Variants in ESR1 observed in about 807,000 individuals in gnomAD.
ESR1 encodes the protein estrogen receptor 1.
In ESR1, 12 loss-of-function variants were observed where a neutral mutation model predicts 52.7. That is an observed-to-expected ratio of 0.23 (90% CI 0.15 to 0.37). ESR1 has a LOEUF of 0.37. ESR1 is among the 10% of genes least tolerant of loss of function. The pLI, the probability that ESR1 is intolerant of heterozygous loss-of-function variation, is 1.00. For missense variants in ESR1, 584 were observed against 779.7 expected (o/e 0.75, Z 2.99); for synonymous variants, 305 against 316.8 (o/e 0.96, Z 0.39).
At chr6:151,716,176 G>T (rs1197799871) in intron 2 of ESR1, among the ~76,000 whole-genome samples, 3 of 152,166 alleles carry the variant, frequency 2.0e-5, no homozygotes, top group Admixed American at 6.5e-5. Flanking sequence ...AAACAGCAAA[G>T]ATTGCTGCCT....
At chr6:151,771,838 TA>T (rs969391612) in intron 2 of ESR1, among the ~76,000 whole-genome samples, 4 of 152,042 alleles carry the variant, frequency 2.6e-5, no homozygotes, top group Admixed American at 6.6e-5. Context: ...ATTTTGTAAT[TA>T]AAAAAAACAA....
chr6:152,068,686 T>C (rs1178472526), intron 6 of ESR1, among the ~76,000 whole-genome samples: 2 of 152,268 alleles, frequency 1.3e-5, no homozygotes, highest in Admixed American at 6.5e-5. Context: ...TTTAAAGACC[T>C]ATGAGAATCC....
upstream of ESR1, chr6:151,805,789 C>T (rs553036925): frequency 1.2e-4 from 19 of 152,462 alleles, no homozygotes; most frequent in African/African-American, 4.3e-4. Flanking sequence ...GCCCATGGAA[C>T]ATTTCTGGAA....
chr6:151,761,110 C>T (rs1784628249), intron 2 of ESR1, among the ~76,000 whole-genome samples: 1 of 151,588 alleles, frequency 6.6e-6, no homozygotes, highest in Non-Finnish European at 1.5e-5. Flanking sequence ...TTCTTAATAT[C>T]TCATCCAATA....
In ESR1 at chr6:151,723,280, A is replaced by G. The variant is rs143907482; in HGVS notation, c.-71+21275A>G. 9.9e-5 allele frequency among the ~76,000 whole-genome samples: 15 copies of G among 152,248 alleles called. 1 individual carries two copies. Among genetic ancestry groups the G allele is most frequent in the African/African-American group, 3.6e-4 (15 of 41,544 alleles). ...AGAAATTACTTGATGGGTACAATCT[A>G]CACTATTCTGGTGATTGATTTCTCT... On this transcript the variant is annotated intron_variant, in intron 2 of 2. Transcript: ENST00000404742.
chr6:151,866,309 G>A (rs903242628), intron 2 of ESR1, among the ~76,000 whole-genome samples: 4 of 151,628 alleles, frequency 2.6e-5, no homozygotes, highest in Admixed American at 2.6e-4. Context: ...TGTTATTTAA[G>A]CTAAGAAAGT....
chr6:151,860,921 G>A (rs990524490), intron 2 of ESR1, among the ~76,000 whole-genome samples: 1 of 152,100 alleles, frequency 6.6e-6, no homozygotes, highest in African/African-American at 2.4e-5. Flanking sequence ...TAAACCTCAT[G>A]AACACGAAGC....
At chr6:152,119,637 C>G (rs1585283321) in intron 6 of ESR1, among the ~76,000 whole-genome samples, 2 of 152,328 alleles carry the variant, frequency 1.3e-5, no homozygotes, top group East Asian at 3.9e-4. Flanking sequence ...CTCTCCAGGC[C>G]ACAGCAGGGC....
chr6:151,960,683 C>G (rs2037552283), intron 4 of ESR1, among the ~76,000 whole-genome samples: 1 of 152,170 alleles, frequency 6.6e-6, no homozygotes, highest in Non-Finnish European at 1.5e-5. Context: ...CATTGCAGGA[C>G]TTTGAGAGCA....
At chr6:151,997,466 CAAAATGAGTCAG>C (rs1373743618) in intron 4 of ESR1, among the ~76,000 whole-genome samples, 1 of 152,016 alleles carries the variant, frequency 6.6e-6, no homozygotes, top group Non-Finnish European at 1.5e-5. Context: ...CCCAGTGTTG[CAAAATGAGTCAG>C]AAGATACAAA....
intron 1 of ESR1, among the ~76,000 whole-genome samples, chr6:151,660,650 G>A (rs1444511355): frequency 6.6e-6 from 1 of 152,088 alleles, no homozygotes; most frequent in Non-Finnish European, 1.5e-5. Flanking sequence ...TTGGCTGAGT[G>A]GACAACATTT....
chr6:152,071,776 C>G (rs557869945), intron 6 of ESR1, among the ~76,000 whole-genome samples: 1 of 152,136 alleles, frequency 6.6e-6, no homozygotes, highest in Non-Finnish European at 1.5e-5. Flanking sequence ...CTGTTAAACA[C>G]GTAAGTGATT....
At chr6:151,752,638 C>T (rs1749958007) in intron 2 of ESR1, among the ~76,000 whole-genome samples, 1 of 152,036 alleles carries the variant, frequency 6.6e-6, no homozygotes, top group African/African-American at 2.4e-5. Flanking sequence ...TCAAATTCAC[C>T]ACAATGGAAA....
chr6:152,080,847 C>G (rs913292713), intron 6 of ESR1, among the ~76,000 whole-genome samples: 17 of 152,030 alleles, frequency 1.1e-4, no homozygotes, highest in Non-Finnish European at 2.4e-4. Flanking sequence ...GGGTTGCAAT[C>G]CCAGTCTCTG....
intron 4 of ESR1, among the ~76,000 whole-genome samples, chr6:151,946,281 A>G (rs985712259): frequency 2.0e-5 from 3 of 152,226 alleles, no homozygotes; most frequent in Non-Finnish European, 4.4e-5. Flanking sequence ...AATCTTGGGA[A>G]TATTAGCTCT....
chr6:151,850,046 T>TTATATATATATAAAAAA (rs1562474155), intron 2 of ESR1, among the ~76,000 whole-genome samples: 15 of 57,446 alleles, frequency 2.6e-4, no homozygotes, highest in African/African-American at 1.0e-3. Flanking sequence ...ATATATAATT[T>TTATATATATATAAAAAA]TATATATATA....
intron 2 of ESR1, among the ~76,000 whole-genome samples, chr6:151,864,597 C>G (rs909678764): frequency 1.3e-5 from 2 of 152,094 alleles, no homozygotes; most frequent in African/African-American, 4.8e-5. Flanking sequence ...GGTATATACC[C>G]AAAGGATTAT....
chr6:151,730,695 T>C (rs551246783), intron 2 of ESR1, among the ~76,000 whole-genome samples: 18 of 152,336 alleles, frequency 1.2e-4, no homozygotes, highest in Non-Finnish European at 2.4e-4. Flanking sequence ...CAACATCTTG[T>C]ACTGAATGTC....
At chr6:151,884,270 G>T (rs1793453706) in intron 3 of ESR1, among the ~76,000 whole-genome samples, 1 of 152,130 alleles carries the variant, frequency 6.6e-6, no homozygotes, top group African/African-American at 2.4e-5. Context: ...ATGGCCACAG[G>T]ATACCCTCTA....
Sources: allele counts gnomAD v4.1 joint callset (sites outside exome capture counted in the v4.1 genomes callset), GRCh38; gene constraint gnomAD v4.1.1; transcripts MANE v1.5; gene names NCBI Gene and HGNC (gene_info 2026-07-23, HGNC 2026-07-21).